MARS1: variants seen among roughly 807,000 people sequenced by gnomAD.
The protein encoded by MARS1 is methionine--tRNA ligase, cytoplasmic.
A neutral mutation model predicts 119.5 loss-of-function variants in MARS1; 80 were observed. The observed-to-expected ratio is 0.67, with a 90% CI of 0.56 to 0.81. The LOEUF (loss-of-function observed/expected upper bound fraction) is 0.81, where lower values mean the gene tolerates loss of function less well. MARS1 is among the 30% of genes least tolerant of loss of function. The pLI is 0.00. For synonymous variants in MARS1, 418 were observed against 433.4 expected, an observed-to-expected ratio of 0.96 and a Z score of 0.44; for missense variants, 945 against 1,116.5, an observed-to-expected ratio of 0.85 and a Z score of 2.19.
intron 1 of MARS1, chr12:57,488,666 GTCT>G (rs1875665646): frequency 6.5e-7 from 1 of 1,548,784 alleles, no homozygotes; most frequent in Non-Finnish European, 8.7e-7. Flanking sequence ...TCTCTTGTAA[GTCT>G]TCTCAGTTCT....
intron 10 of MARS1, among the ~76,000 whole-genome samples, chr12:57,502,137 C>T (rs1876945254): frequency 6.6e-6 from 1 of 152,150 alleles, no homozygotes; most frequent in African/African-American, 2.4e-5. Context: ...TGGAGGTAAA[C>T]TCCACGGAGT....
At chr12:57,506,888 G>A (rs1261782159) in intron 11 of MARS1, among the ~76,000 whole-genome samples, 4 of 144,668 alleles carry the variant, frequency 2.8e-5, no homozygotes, top group Non-Finnish European at 6.0e-5. Flanking sequence ...ATTCTTGGGT[G>A]TTTCTCGCAG....
chr12:57,516,420 C>T lies in MARS1; in HGVS notation c.2557-15C>T. ...TCTTGCCTCACTGTTACCTCCCCAC[C>T]CCCCTTTATCTTAGGGAAACATTGT... On this transcript the variant is annotated splice_polypyrimidine_tract_variant and intron_variant, in intron 20 of 20. Transcript: ENST00000262027. The T allele has an allele frequency of 6.2e-7, 1 of 1,612,712 alleles. No individual in the cohort carries two copies. Among genetic ancestry groups the T allele is most frequent in the South Asian group, 1.1e-5 (1 of 90,970 alleles).
intron 7 of MARS1, 50 bp from the exon 8 acceptor site, chr12:57,498,107 T>C (rs1481786883): frequency 8.2e-7 from 1 of 1,215,584 alleles, no homozygotes; most frequent in Non-Finnish European, 1.2e-6. Flanking sequence ...TTCGTCCCTG[T>C]TGACCCTCAC....
At chr12:57,495,532 G>C (rs1876571072) in intron 7 of MARS1, among the ~76,000 whole-genome samples, 1 of 151,888 alleles carries the variant, frequency 6.6e-6, no homozygotes, top group African/African-American at 2.4e-5. Flanking sequence ...CGGCCAGGCA[G>C]AGGGGCTCCT....
intron 7 of MARS1, among the ~76,000 whole-genome samples, chr12:57,493,808 ATGTATATTATATATATTATATTATAT>A (rs1876366923): frequency 8.7e-4 from 1 of 1,148 alleles, no homozygotes; most frequent in Non-Finnish European, 1.7e-3. Context: ...ATATTATATA[ATGTATATTATATATATTATATTATAT>A]ATTATAATAT....
At chr12:57,513,167 G>A (rs1314804730) in intron 15 of MARS1, among the ~76,000 whole-genome samples, 3 of 152,200 alleles carry the variant, frequency 2.0e-5, no homozygotes, top group African/African-American at 7.2e-5. Flanking sequence ...GTAGAGATGT[G>A]ATTTAGCAAA....
intron 7 of MARS1, among the ~76,000 whole-genome samples, chr12:57,491,620 A>G (rs1026676440): frequency 6.6e-4 from 101 of 152,316 alleles, no homozygotes; most frequent in African/African-American, 2.4e-3. Flanking sequence ...CTGCCTCCAG[A>G]GTGACTGCTT....
chr12:57,511,677 C>T, intron 11 of MARS1, 21 bp from the exon 12 acceptor site: 2 of 1,613,406 alleles, frequency 1.2e-6, no homozygotes, highest in Non-Finnish European at 8.5e-7. Context: ...CTAAATCAGC[C>T]CTCTTTCTCC....
At chr12:57,495,775 G>C (rs1226489949) in intron 7 of MARS1, among the ~76,000 whole-genome samples, 1 of 152,230 alleles carries the variant, frequency 6.6e-6, no homozygotes, top group Non-Finnish European at 1.5e-5. Context: ...CAGGCGGGCA[G>C]ATCACTCGCG....
At chr12:57,512,729 T>C in intron 14 of MARS1, 22 bp from the exon 15 acceptor site, 1 of 1,574,160 alleles carries the variant, frequency 6.4e-7, no homozygotes, top group South Asian at 1.1e-5. Context: ...CAGATGGTTC[T>C]CACTCATTCT....
chr12:57,496,137 T>C (rs796546), intron 7 of MARS1, among the ~76,000 whole-genome samples: 27,418 of 151,604 alleles, frequency 0.18, 2,712 homozygotes, highest in East Asian at 0.29. Flanking sequence ...GTGCTGGGAT[T>C]ACAGGCATGA....
Position 57,489,335 on chromosome 12 carries a change from C to T in MARS1, c.269C>T (p.Thr90Ile). Residue 90 changes from threonine (T) to isoleucine (I), a missense_variant, in exon 3 of 21, where the codon ACA (threonine) becomes ATA (isoleucine). Thr to Ile is a moderately conservative substitution (Grantham distance 89, BLOSUM62 -1). Coordinates refer to ENST00000262027, the MANE Select transcript of MARS1 (RefSeq NM_004990.4). Reference sequence around the variant, plus strand: ...AACCAGTGGCTGGAATGGGAAGCGACAGAGCTGCAGGTAGGACTAAGGTAT... The same window carrying T: ...AACCAGTGGCTGGAATGGGAAGCGATAGAGCTGCAGGTAGGACTAAGGTAT... ...LTNQWLEWEA[T>I]ELQPALSAAL... is the part of the protein sequence containing the mutation. 1 of 1,613,982 alleles carries T rather than the reference C, an allele frequency of 6.2e-7. No individual in the cohort carries two copies. The highest frequency in any genetic ancestry group is 8.5e-7 in the Non-Finnish European group (1 of 1,180,034).
rs2140036969 is a variant in MARS1, at chr12:57,514,753, C to A, written c.2001C>A (p.Gly667=). ...AGMFVSKFFG[G]YVPEMVLTPD... Reference sequence around the variant, plus strand: ...TGTTTGTGTCTAAGTTCTTTGGGGGCTATGTGCCTGAGATGGTGCTCACCC... The same window carrying A: ...TGTTTGTGTCTAAGTTCTTTGGGGGATATGTGCCTGAGATGGTGCTCACCC... Residue 667 remains glycine (G), a synonymous_variant, in exon 16 of 21, where the codon GGC becomes GGA. Coordinates refer to ENST00000262027, the MANE Select transcript of MARS1 (RefSeq NM_004990.4). 6 of 1,614,198 alleles carry A rather than the reference C, an allele frequency of 3.7e-6. No individual in the cohort carries two copies. The highest frequency in any genetic ancestry group is 5.1e-6 in the Non-Finnish European group (6 of 1,180,032).
chr12:57,500,328 C>T lies in MARS1; in HGVS notation c.1099C>T (p.Gln367Ter). ...CCTGGCCCACCTCACCAGAATCACC[C>T]AGGACATTTTCCAGCAGTTGCTGAA... ...TTTPQQTKIT[Q>*]DIFQQLLKRG... Residue 367 changes from glutamine (Q) to a stop codon, truncating the protein, a stop_gained, in exon 10 of 21, where the codon CAG becomes TAG. Coordinates refer to ENST00000262027, the MANE Select transcript of MARS1 (RefSeq NM_004990.4). LOFTEE classifies it high-confidence loss of function. 6.2e-7 allele frequency: 1 copy of T among 1,614,056 alleles called. No homozygotes were observed. Among genetic ancestry groups the T allele is most frequent in the Non-Finnish European group, 8.5e-7 (1 of 1,179,950 alleles).
Position 57,515,218 on chromosome 12 carries a change from C to T in MARS1, c.2273C>T (p.Pro758Leu), listed in dbSNP as rs931882996. 2 of 1,614,204 alleles carry T rather than the reference C, an allele frequency of 1.2e-6. No homozygotes were observed. Among genetic ancestry groups the T allele is most frequent in the Non-Finnish European group, 1.7e-6 (2 of 1,180,036 alleles). The part of the protein sequence containing the change: ...IAALLSVMLQ[P>L]YMPTVSATIQ... ...GCCTTGCTCTCTGTCATGCTTCAGC[C>T]TTACATGCCCACGGTTAGTGCCACA... The change falls in exon 18 of 21, where the codon CCT (proline) becomes CTT (leucine). Residue 758 changes from proline (P) to leucine (L), a missense_variant. Physicochemically the swap from Pro to Leu is moderately conservative, Grantham distance 98. Transcript: ENST00000262027.
chr12:57,490,127 T>C (rs960302875), intron 5 of MARS1, 80 bp from the exon 6 acceptor site: 35 of 1,522,424 alleles, frequency 2.3e-5, no homozygotes, highest in African/African-American at 4.2e-5. Context: ...TGGAGAAACC[T>C]CACAAAGAAG....
chr12:57,502,230 A>G (rs1310426798), intron 10 of MARS1, among the ~76,000 whole-genome samples: 1 of 152,156 alleles, frequency 6.6e-6, no homozygotes, highest in Non-Finnish European at 1.5e-5. Flanking sequence ...CCATCTGTGA[A>G]CGTGAGTGAG....
chr12:57,499,077 A>G (rs1479151070), intron 9 of MARS1, among the ~76,000 whole-genome samples: 2 of 150,816 alleles, frequency 1.3e-5, no homozygotes, highest in Non-Finnish European at 3.0e-5. Flanking sequence ...GGAGGTCAGG[A>G]GTTCAAGACC....
Sources: gnomAD v4.1 joint callset for allele counts (sites outside exome capture counted in the v4.1 genomes callset) on GRCh38, gnomAD v4.1.1 for gene constraint, MANE v1.5 for transcripts, NCBI Gene and HGNC (gene_info 2026-07-23, HGNC 2026-07-21) for gene names.